SERPINA5: variants seen among roughly 807,000 people sequenced by gnomAD.
SERPINA5 encodes serpin family A member 5.
Under a neutral mutation model 25.3 loss-of-function variants are expected in SERPINA5, and 25 were observed. That is an observed-to-expected ratio of 0.99 (90% CI 0.72 to 1.38). The LOEUF (loss-of-function observed/expected upper bound fraction) is 1.38, where lower values mean the gene tolerates loss of function less well. SERPINA5 is among the 40% of genes most tolerant of loss of function. SERPINA5 has a pLI of 0.00. For missense variants in SERPINA5, 599 were observed against 509.5 expected (o/e 1.18, Z -1.69); for synonymous variants, 234 against 206.2 (o/e 1.14, Z -1.16).
At chr14:94,582,077 G>T (rs938117458) in intron 2 of SERPINA5, 1 of 152,174 alleles carries the variant, frequency 6.6e-6, no homozygotes. Context: ...CAATATTATC[G>T]GCTTCCGTGA....
rs752765989 is a variant in SERPINA5 at position 94,590,327 on chromosome 14, C to T, written c.890+16C>T. On this transcript the variant is annotated intron_variant, in intron 4 of 5. Transcript: ENST00000329597. ...TCAAAAAGAGGTACTTTCAGACTACCCCAGGGCCAGCCTAAACCCACACAG... is the reference window on the plus strand; with the variant it reads ...TCAAAAAGAGGTACTTTCAGACTACTCCAGGGCCAGCCTAAACCCACACAG... 14 of 1,572,886 alleles carry T rather than the reference C, an allele frequency of 8.9e-6. No homozygotes were observed. Among genetic ancestry groups the T allele is most frequent in the Non-Finnish European group, 1.0e-5 (12 of 1,156,734 alleles).
chr14:94,582,564 C>T (rs1434824408), intron 2 of SERPINA5, among the ~76,000 whole-genome samples: 2 of 152,238 alleles, frequency 1.3e-5, no homozygotes, highest in Non-Finnish European at 2.9e-5. Context: ...GCGGGGAGAG[C>T]TCAGCTCTGG....
At chr14:94,583,983 C>T (rs971060284) in intron 2 of SERPINA5, among the ~76,000 whole-genome samples, 1 of 152,240 alleles carries the variant, frequency 6.6e-6, no homozygotes, top group African/African-American at 2.4e-5. Flanking sequence ...GAGGACTCCA[C>T]TGCCTCTTGA....
At position 94,587,984 on chromosome 14, in the gene SERPINA5, AAGGC is replaced by A. The variant is rs1192439765; in HGVS notation, c.619+4_619+7del. 6.2e-7 allele frequency: 1 copy of A among 1,611,326 alleles called. No individual in the cohort carries two copies. Among genetic ancestry groups the A allele is most frequent in the East Asian group, 2.2e-5 (1 of 44,856 alleles). ...GGTGAATTACATCTTCTTTAAAGGT[AAGGC>A]CCTTGGGCCCAAACCTGCACTTTCT... On this transcript the variant is annotated splice_donor_5th_base_variant and intron_variant, in intron 3 of 5. Transcript: ENST00000329597.
intron 5 of SERPINA5, among the ~76,000 whole-genome samples, 178 bp from the exon 6 acceptor site, chr14:94,591,878 AC>A (rs986216704): frequency 1.3e-5 from 2 of 152,078 alleles, no homozygotes; most frequent in African/African-American, 4.8e-5. Flanking sequence ...ATGCGAAGTC[AC>A]CCCCCAGCAC....
At chr14:94,590,724 A>G (rs753634921) in intron 4 of SERPINA5, 25 bp from the exon 5 acceptor site, 2 of 1,610,850 alleles carry the variant, frequency 1.2e-6, no homozygotes, top group Non-Finnish European at 1.7e-6. Flanking sequence ...AGAACAGTCT[A>G]AGAAAGCTCC....
At position 94,592,941 on chromosome 14, in the gene SERPINA5, AT is replaced by A. The variant is rs1885350811; in HGVS notation, c.*703del. On this transcript the variant is annotated 3_prime_UTR_variant, in exon 6 of 6. Coordinates refer to ENST00000329597, the MANE Select transcript of SERPINA5 (RefSeq NM_000624.6). ...AAAACATCTGGATATCAAGGTGGAAATGGCCCATTTAATGATTGATTATATC... is the reference window on the plus strand; with the variant it reads ...AAAACATCTGGATATCAAGGTGGAAAGGCCCATTTAATGATTGATTATATC... 1 of 152,214 alleles carries A rather than the reference AT, an allele frequency of 6.6e-6. No individual in the cohort carries two copies. The highest frequency in any genetic ancestry group is 2.1e-4 in the South Asian group (1 of 4,822). The allele number at this position is 152,214 out of a possible 1,614,324, so 9.4% of individuals were successfully genotyped here.
rs767866422 is a variant in SERPINA5 at position 94,587,832 on chromosome 14, CTT to C, written c.472_473del (p.Phe158ProfsTer5). ...ATGAAGACGCTGTACCTGGCAGACA[CTT>C]TCCCTACCAACTTTAGGGACTCTGC... On this transcript the variant is annotated frameshift_variant, in exon 3 of 6. Transcript: ENST00000329597. LOFTEE classifies it high-confidence loss of function. 2.5e-6 allele frequency: 4 copies of C among 1,613,976 alleles called. No homozygotes were observed. Among genetic ancestry groups the C allele is most frequent in the Non-Finnish European group, 3.4e-6 (4 of 1,179,834 alleles).
rs1006090079 is a variant in SERPINA5 at position 94,587,988 on chromosome 14, C to T, written c.619+7C>T. 6 of 1,608,748 alleles carry T rather than the reference C, an allele frequency of 3.7e-6. No homozygotes were observed. In the East Asian group the frequency reaches 1.1e-4, roughly 30 times the overall value. Reference sequence around the variant, plus strand: ...AATTACATCTTCTTTAAAGGTAAGGCCCTTGGGCCCAAACCTGCACTTTCT... The same window carrying T: ...AATTACATCTTCTTTAAAGGTAAGGTCCTTGGGCCCAAACCTGCACTTTCT... On this transcript the variant is annotated splice_region_variant and intron_variant, in intron 3 of 5. Transcript: ENST00000329597.
rs766644784 is a variant in SERPINA5 at position 94,587,597 on chromosome 14, C to A, written c.235C>A (p.Leu79Ile). Residue 79 changes from leucine to isoleucine, a missense_variant, in exon 3 of 6, where the codon CTC (leucine) becomes ATC (isoleucine). Leu to Ile is a conservative substitution (Grantham distance 5). Coordinates refer to ENST00000329597, the MANE Select transcript of SERPINA5 (RefSeq NM_000624.6). ...PVSISMSLAM[L>I]SLGAGSSTKM... is the part of the protein sequence containing the mutation. The stretch of plus-strand genomic sequence containing the variant: ...GAGCATCTCCATGAGCCTGGCCATG[C>A]TCTCCCTGGGGGCTGGGTCCAGCAC... 1 of 1,614,056 alleles carries A rather than the reference C, an allele frequency of 6.2e-7. No homozygotes were observed. The highest frequency in any genetic ancestry group is 1.1e-5 in the South Asian group (1 of 91,064).
At chr14:94,586,291 G>C (rs2069964) in intron 2 of SERPINA5, among the ~76,000 whole-genome samples, 13 of 152,106 alleles carry the variant, frequency 8.5e-5, no homozygotes, top group Non-Finnish European at 1.3e-4. Context: ...ATGGGCTGCT[G>C]TCACAAAGTC....
Position 94,590,310 on chromosome 14 carries a change from A to G in SERPINA5, c.889A>G (p.Arg297Gly). 1 of 1,588,740 alleles carries G rather than the reference A, an allele frequency of 6.3e-7. No individual in the cohort carries two copies. The highest frequency in any genetic ancestry group is 8.6e-7 in the Non-Finnish European group (1 of 1,164,446). Residue 297 changes from arginine (R) to glycine (G), a missense_variant and splice_region_variant, in exon 4 of 6, where the codon AGG becomes GGG. Physicochemically the swap from Arg to Gly is moderately radical, Grantham distance 125 (BLOSUM62 -2). Transcript: ENST00000329597. ...LRKWLKMFKK[R>G]QLELYLPKFS... is the part of the protein sequence containing the mutation. The stretch of plus-strand genomic sequence containing the variant: ...GAAGTGGCTTAAGATGTTCAAAAAG[A>G]GGTACTTTCAGACTACCCCAGGGCC...
At chr14:94,590,371 G>T in intron 4 of SERPINA5, 60 bp downstream of exon 4, 1 of 1,519,768 alleles carries the variant, frequency 6.6e-7, no homozygotes, top group Non-Finnish European at 8.8e-7. Flanking sequence ...AGACACACAC[G>T]CCCTACCAGG....
chr14:94,585,194 C>T (rs905855832), intron 2 of SERPINA5, among the ~76,000 whole-genome samples: 12 of 152,170 alleles, frequency 7.9e-5, no homozygotes, highest in African/African-American at 2.7e-4. Context: ...CCTCGGATTA[C>T]CCATCTGTAA....
At chr14:94,589,418 A>C (rs566195271) in intron 3 of SERPINA5, among the ~76,000 whole-genome samples, 6 of 152,142 alleles carry the variant, frequency 3.9e-5, no homozygotes, top group Non-Finnish European at 7.3e-5. Context: ...ACTGCACTCC[A>C]GCATGGGTCA....
chr14:94,582,761 C>A (rs776336561), intron 2 of SERPINA5, among the ~76,000 whole-genome samples: 1 of 152,050 alleles, frequency 6.6e-6, no homozygotes, highest in South Asian at 2.1e-4. Flanking sequence ...AGAGAGAGGC[C>A]GGAATGAAAA....
Position 94,590,051 on chromosome 14 carries a change from G to A in SERPINA5, c.630G>A (p.Glu210=). ...TTTTTTCATCTTTAGCTAAGTGGGA[G>A]ACAAGCTTCAACCACAAAGGCACCC... ...VNYIFFKAKW[E]TSFNHKGTQE... Residue 210 remains glutamate (E), a synonymous_variant, in exon 4 of 6, where the codon GAG becomes GAA. Transcript: ENST00000329597. 2 of 1,576,746 alleles carry A rather than the reference G, an allele frequency of 1.3e-6. No individual in the cohort carries two copies. Among genetic ancestry groups the A allele is most frequent in the African/African-American group, 1.4e-5 (1 of 74,066 alleles).
At position 94,590,805 on chromosome 14, in the gene SERPINA5, A is replaced by C; in HGVS notation, c.947A>C (p.Lys316Thr). 6.2e-7 allele frequency: 1 copy of C among 1,614,020 alleles called. No homozygotes were observed. The highest frequency in any genetic ancestry group is 1.7e-5 in the Admixed American group (1 of 60,016). ...ATTGAGGGCTCCTATCAGCTGGAGA[A>C]AGTCCTCCCCAGTCTGGGGATCAGT... ...FSIEGSYQLE[K>T]VLPSLGISNV... is the part of the protein sequence containing the mutation. Residue 316 changes from lysine to threonine, a missense_variant, in exon 5 of 6, where the codon AAA becomes ACA. Physicochemically the swap from Lys to Thr is moderately conservative, Grantham distance 78 (BLOSUM62 -1). Transcript: ENST00000329597.
Position 94,589,942 on chromosome 14 carries a change from G to A in SERPINA5, c.620-99G>A, listed in dbSNP as rs568781824. On this transcript the variant is annotated intron_variant, in intron 3 of 5. Transcript: ENST00000329597. Reference sequence around the variant, plus strand: ...TGGGGCTGCCATAAAGATGGTCTCCGCTGGCTATCTTTACTGTCTTCACTC... The same window carrying A: ...TGGGGCTGCCATAAAGATGGTCTCCACTGGCTATCTTTACTGTCTTCACTC... 1.4e-5 allele frequency: 17 copies of A among 1,222,870 alleles called. No homozygotes were observed. The African/African-American group carries it at 1.5e-4, about 11-fold the overall frequency. The allele number at this position is 1,222,870 out of a possible 1,614,324, so 75.8% of individuals were successfully genotyped here. A position where few individuals can be genotyped will look rare whatever the true frequency, so the allele number is the denominator to read the frequency against.
Sources: gnomAD v4.1 joint callset for allele counts (sites outside exome capture counted in the v4.1 genomes callset) on GRCh38, gnomAD v4.1.1 for gene constraint, MANE v1.5 for transcripts, NCBI Gene and HGNC (gene_info 2026-07-23, HGNC 2026-07-21) for gene names.